The following POC1B variants were observed in gnomAD, a reference collection of about 807,000 sequenced individuals.
POC1B encodes the protein POC1 centriolar protein homolog B.
Under a neutral mutation model 60.6 loss-of-function variants are expected in POC1B, and 44 were observed. That is an observed-to-expected ratio of 0.73 (90% confidence interval 0.57 to 0.93). The LOEUF is 0.93. POC1B is among the 40% of genes least tolerant of loss of function. POC1B has a pLI of 0.00. For missense variants in POC1B, 555 were observed against 572.3 expected, an observed-to-expected ratio of 0.97 and a Z score of 0.31; for synonymous variants, 180 against 198.9, an observed-to-expected ratio of 0.90 and a Z score of 0.80.
intron 4 of POC1B, among the ~76,000 whole-genome samples, chr12:89,481,705 C>T (rs1362908395): frequency 2.6e-5 from 4 of 152,150 alleles, no homozygotes; most frequent in Non-Finnish European, 5.9e-5. Flanking sequence ...CAAAGCTGCC[C>T]GTGCAAAGGC....
chr12:89,436,047 C>A (rs1485478777), intron 10 of POC1B, among the ~76,000 whole-genome samples: 1 of 151,486 alleles, frequency 6.6e-6, no homozygotes, highest in African/African-American at 2.4e-5. Flanking sequence ...CAGGTTCAAG[C>A]GATTCTCTTG....
chr12:89,510,390 C>T (rs10161378), intron 2 of POC1B, among the ~76,000 whole-genome samples: 42,520 of 152,028 alleles, frequency 0.28, 6,477 homozygotes, highest in Non-Finnish European at 0.35. Context: ...CCTAGACATC[C>T]AGCCCTGCAT....
chr12:89,407,148 C>CAAAAA, the POC1B span, among the ~76,000 whole-genome samples: 2 of 63,386 alleles, frequency 3.2e-5, no homozygotes, highest in Non-Finnish European at 2.8e-5. Flanking sequence ...GACTCCGTCT[C>CAAAAA]AAAAAAAAAA....
At chr12:89,518,164 G>A (rs780086834) in intron 2 of POC1B, among the ~76,000 whole-genome samples, 7 of 151,434 alleles carry the variant, frequency 4.6e-5, no homozygotes, top group Non-Finnish European at 8.8e-5. Context: ...TTTCTGCTGT[G>A]GACAACTATA....
chr12:89,482,592 G>T (rs1868405621), intron 4 of POC1B, among the ~76,000 whole-genome samples: 2 of 152,138 alleles, frequency 1.3e-5, no homozygotes, highest in Non-Finnish European at 2.9e-5. Flanking sequence ...ATTATATATA[G>T]GGGAATTACA....
At position 89,491,862 on chromosome 12, in the gene POC1B, T is replaced by C. The variant is rs140677721; in HGVS notation, c.452+74A>G. ...TGAATGAATATGTCCTCAAACCCTT[T>C]TTCTGGAAGTTGGGGGCAAACATGA... is the stretch of plus-strand genomic sequence containing the variant. On this transcript the variant is annotated intron_variant, in intron 4 of 11. Coordinates refer to ENST00000313546, the MANE Select transcript of POC1B (RefSeq NM_172240.3). 1.7e-5 allele frequency: 22 copies of C among 1,287,514 alleles called. No homozygotes were observed. In the African/African-American group the frequency reaches 2.8e-4, roughly 17 times the overall value. The allele number at this position is 1,287,514 out of a possible 1,614,324, so 79.8% of individuals were successfully genotyped here.
intron 2 of POC1B, among the ~76,000 whole-genome samples, chr12:89,505,969 T>C (rs1869876213): frequency 6.6e-6 from 1 of 152,148 alleles, no homozygotes; most frequent in Non-Finnish European, 1.5e-5. Context: ...GAGAAGATGC[T>C]AGAATTTTGG....
At chr12:89,453,498 T>C (rs1592597281) in intron 10 of POC1B, among the ~76,000 whole-genome samples, 1 of 152,160 alleles carries the variant, frequency 6.6e-6, no homozygotes, top group African/African-American at 2.4e-5. Context: ...AAAGATACCA[T>C]ACAAATGTCT....
intron 2 of POC1B, chr12:89,502,128 G>T: frequency 8.4e-7 from 1 of 1,183,644 alleles, no homozygotes; most frequent in Non-Finnish European, 1.3e-6. Flanking sequence ...ATTCTGGAGA[G>T]CATAAGACTT....
At chr12:89,444,144 G>C (rs558741015) in intron 10 of POC1B, among the ~76,000 whole-genome samples, 1 of 152,088 alleles carries the variant, frequency 6.6e-6, no homozygotes, top group South Asian at 2.1e-4. Flanking sequence ...TCCAGGACCA[G>C]AACGGTTTCA....
intron 7 of POC1B, among the ~76,000 whole-genome samples, chr12:89,469,576 C>T (rs34983446): frequency 0.027 from 4,163 of 152,274 alleles, 83 homozygotes; most frequent in Admixed American, 0.053. Flanking sequence ...AATGGCTACT[C>T]CCAAAGGCAG....
At chr12:89,459,905 A>G in intron 9 of POC1B, 187 bp from the exon 10 acceptor site, 1 of 501,580 alleles carries the variant, frequency 2.0e-6, no homozygotes, top group Non-Finnish European at 3.5e-6. Flanking sequence ...CGTATAAGAA[A>G]AGATCATTTT....
chr12:89,523,160 CAGG>C, intron 2 of POC1B: 1 of 1,613,566 alleles, frequency 6.2e-7, no homozygotes, highest in Non-Finnish European at 8.5e-7. Flanking sequence ...GGGTTGTTGT[CAGG>C]AGAATTATAA....
chr12:89,439,880 C>G (rs1431721827), intron 10 of POC1B, among the ~76,000 whole-genome samples: 2 of 152,218 alleles, frequency 1.3e-5, no homozygotes, highest in Non-Finnish European at 2.9e-5. Flanking sequence ...GCTGGGATTA[C>G]AGGCATGAGC....
At chr12:89,472,327 C>T in intron 4 of POC1B, 52 bp from the exon 5 acceptor site, 1 of 1,134,128 alleles carries the variant, frequency 8.8e-7, no homozygotes, top group Non-Finnish European at 1.3e-6. Context: ...TGGAGAGTCA[C>T]CACCTCACCT....
chr12:89,489,834 C>T (rs1868855869), intron 4 of POC1B, among the ~76,000 whole-genome samples: 1 of 152,164 alleles, frequency 6.6e-6, no homozygotes. Flanking sequence ...TTGTATGACC[C>T]CTCCTTCTTA....
chr12:89,409,701 C>G, the POC1B span, among the ~76,000 whole-genome samples: 1 of 152,184 alleles, frequency 6.6e-6, no homozygotes, highest in African/African-American at 2.4e-5. Context: ...ACTAGAAAAT[C>G]TAGAAGAAAT....
At chr12:89,492,718 G>A (rs566860763) in intron 3 of POC1B, among the ~76,000 whole-genome samples, 67 of 152,200 alleles carry the variant, frequency 4.4e-4, no homozygotes, top group African/African-American at 1.6e-3. Context: ...CGTGACATCC[G>A]CCTGTGTCCA....
intron 10 of POC1B, among the ~76,000 whole-genome samples, chr12:89,434,842 C>A (rs1184884240): frequency 1.3e-5 from 2 of 152,118 alleles, no homozygotes; most frequent in Non-Finnish European, 2.9e-5. Flanking sequence ...ATCTTTCACA[C>A]TGTTCAACAA....
Sources: gnomAD v4.1 joint callset for allele counts (sites outside exome capture counted in the v4.1 genomes callset) on GRCh38, gnomAD v4.1.1 for gene constraint, MANE v1.5 for transcripts, NCBI Gene and HGNC (gene_info 2026-07-23, HGNC 2026-07-21) for gene names.